The following CDON variants were observed in gnomAD, a reference collection of about 807,000 sequenced individuals.
CDON encodes cell adhesion molecule-related/down-regulated by oncogenes.
CDON carries 73 observed loss-of-function variants against 120.9 expected under a neutral mutation model. That is an observed-to-expected ratio of 0.60 (90% CI 0.50 to 0.73). The LOEUF is 0.73. Among genes scored for constraint, CDON ranks in the 30% least tolerant of loss-of-function variants. The probability of loss-of-function intolerance (pLI) is 0.00; values close to 1 mark genes in which losing one functional copy is unlikely to be tolerated. For missense variants in CDON, 1,470 were observed against 1,587.3 expected (o/e 0.93, Z 1.26); for synonymous variants, 566 against 573.5 (o/e 0.99, Z 0.19).
chr11:126,042,396 A>G (rs934497022), intron 1 of CDON, among the ~76,000 whole-genome samples: 1 of 152,228 alleles, frequency 6.6e-6, no homozygotes, highest in Non-Finnish European at 1.5e-5. Context: ...GGTGGGACAC[A>G]TGCAGTATGA....
chr11:126,050,539 A>C (rs1352257739), intron 1 of CDON, among the ~76,000 whole-genome samples: 2 of 147,894 alleles, frequency 1.4e-5, no homozygotes, highest in African/African-American at 2.6e-5. Context: ...CACAAACAAA[A>C]AAAAGTCTGT....
Position 125,959,700 on chromosome 11 carries a change from T to C in CDON, c.*1242A>G, listed in dbSNP as rs1031556177. 3 of 152,188 alleles carry C rather than the reference T, an allele frequency of 2.0e-5. No individual in the cohort carries two copies. Among genetic ancestry groups the C allele is most frequent in the African/African-American group, 4.8e-5 (2 of 41,440 alleles). 9.4% of individuals were successfully genotyped at this position (152,188 alleles called of 1,614,324 possible). ...CACCCCTGCAGGCCGTTGCCTATGC[T>C]GGAGATGGGGGATGACTAGTTTCGG... On this transcript the variant is annotated 3_prime_UTR_variant, in exon 20 of 20. Coordinates refer to ENST00000531738, the MANE Select transcript of CDON (RefSeq NM_001378964.1).
At chr11:126,020,134 C>G (rs768958000) in intron 3 of CDON, among the ~76,000 whole-genome samples, 11 of 152,098 alleles carry the variant, frequency 7.2e-5, no homozygotes, top group Non-Finnish European at 1.3e-4. Flanking sequence ...GTCACGGCAC[C>G]CTTTTTCATA....
At chr11:126,030,417 C>G (rs1947912860) in intron 1 of CDON, among the ~76,000 whole-genome samples, 1 of 152,162 alleles carries the variant, frequency 6.6e-6, no homozygotes, top group Non-Finnish European at 1.5e-5. Flanking sequence ...TCCTAGCCTC[C>G]TATTTCAAAC....
chr11:125,968,153 T>C (rs953978333), intron 18 of CDON, among the ~76,000 whole-genome samples: 1 of 152,172 alleles, frequency 6.6e-6, no homozygotes, highest in African/African-American at 2.4e-5. Flanking sequence ...CCTAGGACAG[T>C]TCCCTACAAA....
In CDON at chr11:126,021,149, T is replaced by C; in HGVS notation, c.349+99A>G. The C allele has an allele frequency of 3.8e-6, 5 of 1,310,570 alleles. No individual in the cohort carries two copies. In the Admixed American group the frequency reaches 5.8e-5, roughly 15 times the overall value. The allele number at this position is 1,310,570 out of a possible 1,614,324, so 81.2% of individuals were successfully genotyped here. ...GGCTGAGATAAAAACTCCTATATGC[T>C]TTACACCAAAGCCCATGGTCTTTCC... is the stretch of plus-strand genomic sequence containing the variant. On this transcript the variant is annotated intron_variant, in intron 3 of 19. Coordinates refer to ENST00000531738, the MANE Select transcript of CDON (RefSeq NM_001378964.1).
rs1947267752 is a variant in CDON, at chr11:126,010,556, G to A, written c.1337C>T (p.Thr446Ile). The A allele has an allele frequency of 1.2e-6, 2 of 1,614,080 alleles. No individual in the cohort carries two copies. The highest frequency in any genetic ancestry group is 2.7e-5 in the African/African-American group (2 of 75,022). The change falls in exon 8 of 20, where the codon ACC (threonine) becomes ATC (isoleucine). Residue 446 changes from threonine (T) to isoleucine (I), a missense_variant. Thr to Ile is a moderately conservative substitution (Grantham distance 89). Coordinates refer to ENST00000531738, the MANE Select transcript of CDON (RefSeq NM_001378964.1). ...TCTCAGGACTTGAGATGGATGGCTG[G>A]TTATCAATCCATGGCTGTCATACCA... ...IRWYDSHGLITSHPSQVLRSK... is the reference protein window; with the variant it reads ...IRWYDSHGLIISHPSQVLRSK...
chr11:125,987,109 T>C (rs1946489902), intron 15 of CDON, among the ~76,000 whole-genome samples: 1 of 152,234 alleles, frequency 6.6e-6, no homozygotes, highest in Non-Finnish European at 1.5e-5. Flanking sequence ...AATCACTCTT[T>C]CTTTATTCTT....
rs755551243 is a variant in CDON, at chr11:125,978,304, C to T, written c.3356G>A (p.Arg1119Lys). The T allele has an allele frequency of 1.3e-6, 2 of 1,567,970 alleles. No individual in the cohort carries two copies. The highest frequency in any genetic ancestry group is 8.8e-7 in the Non-Finnish European group (1 of 1,140,854). Residue 1119 changes from arginine (R) to lysine (K), a missense_variant and splice_region_variant, in exon 18 of 20, where the codon AGG becomes AAG. Arg to Lys is a conservative substitution (Grantham distance 26). Transcript: ENST00000531738. ...TTGTGCAGACACATTATTAACATAC[C>T]TATTGTTGTTTCGACAATTTCGGCA... Reference protein sequence around the residue: ...VNCRNCRNNNRCFTKTNSTFS... With the variant: ...VNCRNCRNNNKCFTKTNSTFS...
chr11:125,982,519 G>T (rs1295556655), intron 16 of CDON, among the ~76,000 whole-genome samples: 1 of 152,128 alleles, frequency 6.6e-6, no homozygotes, highest in Non-Finnish European at 1.5e-5. Flanking sequence ...CAGGTGTGTA[G>T]TCTCAGTACA....
At chr11:126,036,149 T>TC (rs1948092143) in intron 1 of CDON, among the ~76,000 whole-genome samples, 1 of 152,214 alleles carries the variant, frequency 6.6e-6, no homozygotes, top group Non-Finnish European at 1.5e-5. Flanking sequence ...CCAATGATGC[T>TC]TCTCTGTGCA....
intron 1 of CDON, among the ~76,000 whole-genome samples, chr11:126,026,067 C>T (rs566225709): frequency 6.6e-6 from 1 of 152,180 alleles, no homozygotes; most frequent in South Asian, 2.1e-4. Context: ...AATTTTAGTG[C>T]CTAGCAGAAA....
At chr11:125,995,882 G>GA (rs1163233986) in intron 12 of CDON, among the ~76,000 whole-genome samples, 1 of 152,120 alleles carries the variant, frequency 6.6e-6, no homozygotes, top group Non-Finnish European at 1.5e-5. Flanking sequence ...TAAAAGTCCT[G>GA]AAAAAAATTG....
At chr11:125,989,422 G>A (rs1946564485) in intron 15 of CDON, among the ~76,000 whole-genome samples, 1 of 152,190 alleles carries the variant, frequency 6.6e-6, no homozygotes, top group Non-Finnish European at 1.5e-5. Context: ...TGCAGCCCCA[G>A]CTACTTGGGA....
intron 1 of CDON, among the ~76,000 whole-genome samples, chr11:126,028,743 T>TATTA (rs1947868751): frequency 6.7e-6 from 1 of 149,750 alleles, no homozygotes; most frequent in Admixed American, 6.7e-5. Flanking sequence ...TTTATTTATT[T>TATTA]ATTATGTCTT....
chr11:126,000,868 T>G (rs1427193557), intron 11 of CDON, among the ~76,000 whole-genome samples: 1 of 152,098 alleles, frequency 6.6e-6, no homozygotes, highest in Non-Finnish European at 1.5e-5. Context: ...AAATTTTAAG[T>G]CTTCCCTAGA....
chr11:126,028,213 A>T (rs1947848402), intron 1 of CDON, among the ~76,000 whole-genome samples: 1 of 152,100 alleles, frequency 6.6e-6, no homozygotes, highest in Non-Finnish European at 1.5e-5. Flanking sequence ...TAAACACGAC[A>T]ATCTCGCCAC....
chr11:125,961,392 A>C (rs986859996), intron 19 of CDON, among the ~76,000 whole-genome samples: 1 of 152,196 alleles, frequency 6.6e-6, no homozygotes, highest in Non-Finnish European at 1.5e-5. Flanking sequence ...AACCAACTCA[A>C]ATCAAAAAGG....
intron 15 of CDON, among the ~76,000 whole-genome samples, chr11:125,986,446 A>G (rs1291586274): frequency 6.6e-6 from 1 of 152,148 alleles, no homozygotes; most frequent in Non-Finnish European, 1.5e-5. Flanking sequence ...AAAAAAGAGG[A>G]AAAACCAGGA....
Sources: gnomAD v4.1 joint callset for allele counts (sites outside exome capture counted in the v4.1 genomes callset) on GRCh38, gnomAD v4.1.1 for gene constraint, MANE v1.5 for transcripts, NCBI Gene and HGNC (gene_info 2026-07-23, HGNC 2026-07-21) for gene names.